The following MKNK1 variants were observed in gnomAD, a reference collection of about 807,000 sequenced individuals.
MKNK1 encodes the protein MAP kinase-interacting serine/threonine-protein kinase 1.
A neutral mutation model predicts 49.3 loss-of-function variants in MKNK1; 30 were observed. The observed-to-expected ratio is 0.61, with a 90% CI of 0.46 to 0.83. MKNK1 has a LOEUF of 0.83. Among genes scored for constraint, MKNK1 ranks in the 40% least tolerant of loss-of-function variants. MKNK1 has a pLI of 0.00. For synonymous variants in MKNK1, 176 were observed against 201.7 expected (o/e 0.87, Z 1.08); for missense variants, 423 against 524.7 (o/e 0.81, Z 1.89).
At chr1:46,594,413 C>T in intron 1 of MKNK1, 133 bp from the exon 2 acceptor site, 1 of 479,678 alleles carries the variant, frequency 2.1e-6, no homozygotes, top group Non-Finnish European at 3.8e-6. Context: ...GCAGCAATCA[C>T]AGGTTTCCCA....
intron 2 of MKNK1, chr1:46,593,891 T>C (rs1673699818): frequency 2.6e-6 from 1 of 382,928 alleles, no homozygotes; most frequent in Admixed American, 4.3e-5. Flanking sequence ...TAAATATGTT[T>C]TAGTTACATG....
At chr1:46,574,656 G>C in intron 6 of MKNK1, 1 of 327,522 alleles carries the variant, frequency 3.1e-6, no homozygotes, top group African/African-American at 2.1e-5. Flanking sequence ...GTTAAACAGT[G>C]AACATGTCAA....
chr1:46,582,264 AG>A (rs1039583450), intron 3 of MKNK1, among the ~76,000 whole-genome samples: 4 of 152,162 alleles, frequency 2.6e-5, no homozygotes, highest in Non-Finnish European at 5.9e-5. Context: ...CCCTGCTGAA[AG>A]TACCTTCTTG....
chr1:46,578,911 C>T (rs544998743), intron 4 of MKNK1, among the ~76,000 whole-genome samples: 2 of 151,934 alleles, frequency 1.3e-5, no homozygotes, highest in African/African-American at 4.8e-5. Flanking sequence ...ATGCACCACA[C>T]CCGGCTAATA....
Position 46,587,759 on chromosome 1 carries a change from G to A in MKNK1, c.-2-4430C>T, listed in dbSNP as rs140720444. Among the ~76,000 whole-genome samples, 835 of 152,202 alleles carry A rather than the reference G, an allele frequency of 5.5e-3. 7 individuals are homozygous for A. Among genetic ancestry groups the A allele is most frequent in the East Asian group, 0.032 (167 of 5,176 alleles). On this transcript the variant is annotated intron_variant, in intron 2 of 12. Transcript: ENST00000371945. ...TTGAACCCCGGAGGCGGAGGTTGCG[G>A]TGAACTGAGATCGCACCATTGCACT...
Position 46,572,125 on chromosome 1 carries a change from T to C in MKNK1, c.395A>G (p.Glu132Gly). ...AHIQKQKHFN[E>G]REASRVVRDV... ...CCGCACCACTCGGCTGGCTTCTCGC[T>C]CATTGAAGTGCTTTTGCTTCTGGAT... Residue 132 changes from glutamate (E) to glycine (G), a missense_variant, in exon 7 of 13, where the codon GAG becomes GGG. Coordinates refer to ENST00000371945, the MANE Select transcript of MKNK1 (RefSeq NM_001135553.4). The C allele has an allele frequency of 6.2e-7, 1 of 1,614,160 alleles. No individual in the cohort carries two copies. The highest frequency in any genetic ancestry group is 8.5e-7 in the Non-Finnish European group (1 of 1,179,998).
At chr1:46,592,676 T>G (rs1673501557) in intron 2 of MKNK1, among the ~76,000 whole-genome samples, 1 of 150,460 alleles carries the variant, frequency 6.6e-6, no homozygotes. Flanking sequence ...TGTAACAGAG[T>G]GAGGGAATGA....
chr1:46,578,451 G>A (rs1671286581), intron 4 of MKNK1, among the ~76,000 whole-genome samples: 1 of 152,132 alleles, frequency 6.6e-6, no homozygotes, highest in Non-Finnish European at 1.5e-5. Context: ...ATGCCAGGGG[G>A]GATGTGGAGG....
At chr1:46,574,875 T>C (rs1557854799) in intron 6 of MKNK1, 72 bp downstream of exon 6, 1 of 1,047,328 alleles carries the variant, frequency 9.5e-7, no homozygotes, top group Non-Finnish European at 1.4e-6. Flanking sequence ...TGGAAGTCTC[T>C]GGGATTCATG....
chr1:46,562,830 T>A lies in MKNK1; in HGVS notation c.623A>T (p.Glu208Val). 1 of 1,610,842 alleles carries A rather than the reference T, an allele frequency of 6.2e-7. No homozygotes were observed. Among genetic ancestry groups the A allele is most frequent in the Non-Finnish European group, 8.5e-7 (1 of 1,178,718 alleles). ...PELTTPCGSA[E>V]YMAPEVVEVF... ...CTCCACTACCTCAGGGGCCATGTAT[T>A]CTGCAGAGCCACACTGTGGGGGCCA... Residue 208 changes from glutamate to valine, a missense_variant, in exon 10 of 13, where the codon GAA becomes GTA. Physicochemically the swap from Glu to Val is moderately radical, Grantham distance 121. Coordinates refer to ENST00000371945, the MANE Select transcript of MKNK1 (RefSeq NM_001135553.4).
At position 46,558,065 on chromosome 1, in the gene MKNK1, A is replaced by AG. The variant is rs1326941993; in HGVS notation, c.*509dup. Reference sequence around the variant, plus strand: ...AGGCTCCTTGCCCTTCCCTGAATTGAGGGGATGGCTTTGCTCAGCCAAGGG... The same window carrying AG: ...AGGCTCCTTGCCCTTCCCTGAATTGAGGGGGATGGCTTTGCTCAGCCAAGGG... On this transcript the variant is annotated 3_prime_UTR_variant, in exon 13 of 13. Transcript: ENST00000371945. 6.5e-6 allele frequency: 1 copy of AG among 154,212 alleles called. No homozygotes were observed. The highest frequency in any genetic ancestry group is 1.4e-5 in the Non-Finnish European group (1 of 69,192). The allele number at this position is 154,212 out of a possible 1,614,324, so 9.6% of individuals were successfully genotyped here.
At chr1:46,595,817 T>C (rs900447482) in intron 1 of MKNK1, among the ~76,000 whole-genome samples, 1 of 152,194 alleles carries the variant, frequency 6.6e-6, no homozygotes, top group Non-Finnish European at 1.5e-5. Context: ...AGTGGCATGA[T>C]CTTGGCTCAC....
At chr1:46,558,893 T>G in intron 12 of MKNK1, 93 bp from the exon 13 acceptor site, 1 of 1,065,486 alleles carries the variant, frequency 9.4e-7, no homozygotes, top group Non-Finnish European at 1.4e-6. Context: ...GCTGTGGCTC[T>G]ACGCTCCCAC....
chr1:46,594,380 T>G (rs532185615), intron 1 of MKNK1, 100 bp from the exon 2 acceptor site: 17 of 574,304 alleles, frequency 3.0e-5, no homozygotes, highest in South Asian at 2.9e-4. Context: ...ACCTATGAGT[T>G]ACCCCACTAA....
chr1:46,603,475 C>T (rs1258888365), intron 1 of MKNK1, among the ~76,000 whole-genome samples: 1 of 152,234 alleles, frequency 6.6e-6, no homozygotes, highest in Non-Finnish European at 1.5e-5. Flanking sequence ...TACTAGGTGA[C>T]TTCCATATAA....
In MKNK1 at chr1:46,561,629, T is replaced by A; in HGVS notation, c.818A>T (p.Glu273Val). Reference protein sequence around the residue: ...VCRVCQNKLFESIQEGKYEFP... With the variant: ...VCRVCQNKLFVSIQEGKYEFP... Reference sequence around the variant, plus strand: ...CTCATACTTGCCTTCCTGGATGCTTTCAAACAGCTTGTTCTAGGTACAAAA... The same window carrying A: ...CTCATACTTGCCTTCCTGGATGCTTACAAACAGCTTGTTCTAGGTACAAAA... Residue 273 changes from glutamate (E) to valine (V), a missense_variant, in exon 11 of 13, where the codon GAA becomes GTA. Coordinates refer to ENST00000371945, the MANE Select transcript of MKNK1 (RefSeq NM_001135553.4). 6.2e-7 allele frequency: 1 copy of A among 1,614,092 alleles called. No individual in the cohort carries two copies. Among genetic ancestry groups the A allele is most frequent in the South Asian group, 1.1e-5 (1 of 91,072 alleles).
intron 3 of MKNK1, among the ~76,000 whole-genome samples, chr1:46,582,267 A>G (rs996499147): frequency 1.3e-5 from 2 of 152,130 alleles, no homozygotes; most frequent in Non-Finnish European, 2.9e-5. Context: ...TGCTGAAAGT[A>G]CCTTCTTGGT....
chr1:46,560,114 G>T, intron 12 of MKNK1, 120 bp downstream of exon 12: 1 of 1,088,178 alleles, frequency 9.2e-7, no homozygotes, highest in Non-Finnish European at 1.4e-6. Flanking sequence ...AGGGGAAATG[G>T]GCAGGGAGCC....
chr1:46,575,078 A>C, intron 5 of MKNK1, 58 bp from the exon 6 acceptor site: 1 of 1,140,570 alleles, frequency 8.8e-7, no homozygotes, highest in African/African-American at 1.5e-5. Context: ...TATATATTAA[A>C]GTCTACTTAC....
Sources: allele counts gnomAD v4.1 joint callset (sites outside exome capture counted in the v4.1 genomes callset), GRCh38; gene constraint gnomAD v4.1.1; transcripts MANE v1.5; gene names NCBI Gene and HGNC (gene_info 2026-07-23, HGNC 2026-07-21).